CLUL1: variants seen among roughly 807,000 people sequenced by gnomAD.
CLUL1 encodes the protein clusterin-like protein 1.
In CLUL1, 43 loss-of-function variants were observed where a neutral mutation model predicts 49.4. The observed-to-expected ratio is 0.87, with a 90% CI of 0.68 to 1.12. The LOEUF (loss-of-function observed/expected upper bound fraction) is 1.12, where lower values mean the gene tolerates loss of function less well. Among genes scored for constraint, CLUL1 ranks in the 50% most tolerant of loss-of-function variants. The probability of loss-of-function intolerance (pLI) is 0.00; values close to 1 mark genes in which losing one functional copy is unlikely to be tolerated. For missense variants in CLUL1, 486 were observed against 544.4 expected, an observed-to-expected ratio of 0.89 and a Z score of 1.07; for synonymous variants, 192 against 184.9, an observed-to-expected ratio of 1.04 and a Z score of -0.31.
At chr18:604,384 A>G (rs2072912549) in intron 1 of CLUL1, among the ~76,000 whole-genome samples, 1 of 152,244 alleles carries the variant, frequency 6.6e-6, no homozygotes. Flanking sequence ...ATTCATATAC[A>G]ATGGATACTT....
At chr18:616,736 T>C in intron 2 of CLUL1, 12 of 981,108 alleles carry the variant, frequency 1.2e-5, no homozygotes, top group Non-Finnish European at 1.3e-5. Flanking sequence ...TGGTGGCAAC[T>C]TCACTGGGGA....
chr18:622,018 A>G (rs779317717), intron 4 of CLUL1, among the ~76,000 whole-genome samples: 13 of 152,206 alleles, frequency 8.5e-5, no homozygotes, highest in Non-Finnish European at 1.3e-4. Flanking sequence ...GAGGCACTCA[A>G]TTAGAAAGTT....
chr18:643,870 C>G (rs2072208549), intron 8 of CLUL1, among the ~76,000 whole-genome samples: 1 of 152,184 alleles, frequency 6.6e-6, no homozygotes, highest in Non-Finnish European at 1.5e-5. Context: ...GGTTAAGCAA[C>G]TTGTCTGAGC....
chr18:610,928 A>C (rs1486316531), intron 2 of CLUL1, among the ~76,000 whole-genome samples: 5 of 152,160 alleles, frequency 3.3e-5, no homozygotes, highest in Non-Finnish European at 5.9e-5. Flanking sequence ...TGGCTGCTGG[A>C]GCCAACATGG....
intron 9 of CLUL1, chr18:645,365 T>C (rs1169317988): frequency 3.5e-6 from 1 of 285,800 alleles, no homozygotes; most frequent in African/African-American, 2.2e-5. Context: ...TTGAAAGCTA[T>C]TTGATTATGC....
At chr18:602,440 C>T (rs531051298) in intron 1 of CLUL1, among the ~76,000 whole-genome samples, 158 of 152,240 alleles carry the variant, frequency 1.0e-3, no homozygotes, top group African/African-American at 3.7e-3. Context: ...ATCATTTTGG[C>T]GTGGCAGCTC....
chr18:598,658 G>T (rs1197010827), intron 1 of CLUL1: 6 of 397,958 alleles, frequency 1.5e-5, no homozygotes, highest in Non-Finnish European at 2.7e-5. Flanking sequence ...TTCTTGGATG[G>T]TTTTCTACAG....
intron 6 of CLUL1, among the ~76,000 whole-genome samples, chr18:628,592 T>C (rs1054644717): frequency 1.3e-5 from 2 of 151,976 alleles, no homozygotes; most frequent in Non-Finnish European, 2.9e-5. Flanking sequence ...CCCTCTGAGA[T>C]GAAAAATAAA....
At chr18:611,742 C>T (rs1371914677) in intron 2 of CLUL1, among the ~76,000 whole-genome samples, 1 of 152,100 alleles carries the variant, frequency 6.6e-6, no homozygotes, top group Non-Finnish European at 1.5e-5. Flanking sequence ...TCCACAAGGA[C>T]AATAAGTAAG....
chr18:624,138 A>G (rs1366309613), intron 4 of CLUL1, among the ~76,000 whole-genome samples: 4 of 152,146 alleles, frequency 2.6e-5, no homozygotes, highest in Admixed American at 1.3e-4. Flanking sequence ...GACAGGTGCC[A>G]CTGCTGCTGG....
At chr18:607,144 T>A (rs2072996376) in intron 2 of CLUL1, 45 bp downstream of exon 2, 2 of 700,562 alleles carry the variant, frequency 2.9e-6, no homozygotes, top group African/African-American at 1.8e-5. Context: ...TTTATTTATT[T>A]AGAGACAGAG....
intron 8 of CLUL1, among the ~76,000 whole-genome samples, chr18:644,163 ATACTTTATGC>A (rs1400423731): frequency 6.6e-6 from 1 of 152,252 alleles, no homozygotes; most frequent in African/African-American, 2.4e-5. Context: ...CCAAACATAA[ATACTTTATGC>A]AGTTTTTATG....
intron 7 of CLUL1, among the ~76,000 whole-genome samples, chr18:639,520 C>G (rs1036700601): frequency 1.3e-5 from 2 of 148,780 alleles, no homozygotes; most frequent in African/African-American, 5.0e-5. Flanking sequence ...AATCCCAGCA[C>G]TTTGGGAGGC....
chr18:644,861 T>C (rs772350456), intron 8 of CLUL1, 49 bp from the exon 9 acceptor site: 8 of 1,399,646 alleles, frequency 5.7e-6, no homozygotes, highest in Middle Eastern at 1.9e-4. Flanking sequence ...TACTATTGAA[T>C]GTGTATTGGG....
chr18:606,859 C>G lies in CLUL1; in HGVS notation c.-135-119C>G. The G allele has an allele frequency of 3.9e-6, 2 of 508,362 alleles. No individual in the cohort carries two copies. Among genetic ancestry groups the G allele is most frequent in the Non-Finnish European group, 3.5e-6 (1 of 286,654 alleles). The allele number at this position is 508,362 out of a possible 1,614,324, so 31.5% of individuals were successfully genotyped here. On this transcript the variant is annotated intron_variant, in intron 1 of 9. Transcript: ENST00000692774. This position sits in a 1 kb window ranked among gnomAD's most constrained non-coding sequence, Gnocchi z 4.1. ...ATCTGCCTTCCCCCACCAGCACCCC[C>G]CACAAGGCAAGGCCAGTTCACCCTC...
intron 6 of CLUL1, among the ~76,000 whole-genome samples, chr18:630,211 T>G (rs535997212): frequency 6.6e-6 from 1 of 152,142 alleles, no homozygotes; most frequent in South Asian, 2.1e-4. Flanking sequence ...GGGGTTTAAG[T>G]GATTCTCCTG....
chr18:634,582 C>G (rs2074088916), intron 7 of CLUL1, among the ~76,000 whole-genome samples: 1 of 152,172 alleles, frequency 6.6e-6, no homozygotes, highest in African/African-American at 2.4e-5. Context: ...CTCCTTCCTT[C>G]TTACCGCAAG....
In CLUL1 at chr18:599,356, T is replaced by C. The variant is rs988110608; in HGVS notation, c.-136+2227T>C. On this transcript the variant is annotated intron_variant, in intron 1 of 9. Coordinates refer to ENST00000692774, the MANE Select transcript of CLUL1 (RefSeq NM_001393344.1). ...TATCTTATTTATCTATGAAACAGGA[T>C]TGGTAATACTCATATCATAAGGTTG... 6.6e-5 allele frequency among the ~76,000 whole-genome samples: 10 copies of C among 152,270 alleles called. No individual in the cohort carries two copies. In the South Asian group the frequency reaches 2.1e-3, roughly 32 times the overall value.
At position 627,104 on chromosome 18, in the gene CLUL1, G is replaced by C. The variant is rs369234574; in HGVS notation, c.431G>C (p.Arg144Pro). The change falls in exon 6 of 10, where the codon CGG becomes CCG. Residue 144 changes from arginine to proline, a missense_variant. Arg to Pro is a moderately radical substitution (Grantham distance 103, BLOSUM62 -2). Transcript: ENST00000692774. ...CCCTACTCTACTCCACAGATTGAAC[G>C]GTTTTTCAGGAAGATATATCAATTT... ...SWSSVKNKIE[R>P]FFRKIYQFLF... 5 of 1,606,570 alleles carry C rather than the reference G, an allele frequency of 3.1e-6. No homozygotes were observed. Among genetic ancestry groups the C allele is most frequent in the Non-Finnish European group, 3.4e-6 (4 of 1,174,166 alleles).
Sources: allele counts gnomAD v4.1 joint callset (sites outside exome capture counted in the v4.1 genomes callset), GRCh38; gene constraint gnomAD v4.1.1; non-coding constraint Gnocchi (gnomAD v3.1); transcripts MANE v1.5; gene names NCBI Gene and HGNC (gene_info 2026-07-23, HGNC 2026-07-21).